Variants in BMPR1B observed in about 807,000 individuals in gnomAD.
The protein encoded by BMPR1B is bone morphogenetic protein receptor type 1B, also known as bone morphogenetic protein receptor type-1B.
In BMPR1B, 12 loss-of-function variants were observed where a neutral mutation model predicts 59.1. That is an observed-to-expected ratio of 0.20 (90% confidence interval 0.13 to 0.33). The LOEUF (loss-of-function observed/expected upper bound fraction) is 0.33, where lower values mean the gene tolerates loss of function less well. Among genes scored for constraint, BMPR1B ranks in the 10% least tolerant of loss-of-function variants. BMPR1B has a pLI of 1.00. For missense variants in BMPR1B, 550 were observed against 610.9 expected (o/e 0.90, Z 1.05); for synonymous variants, 237 against 207.3 (o/e 1.14, Z -1.23).
At chr4:94,792,131 G>A (rs774738442) in intron 1 of BMPR1B, among the ~76,000 whole-genome samples, 13 of 152,168 alleles carry the variant, frequency 8.5e-5, no homozygotes, top group African/African-American at 1.9e-4. Context: ...CCTTTCTGAC[G>A]ATGAAAACAT....
At chr4:94,935,076 A>G (rs1267936104) in intron 2 of BMPR1B, among the ~76,000 whole-genome samples, 2 of 152,134 alleles carry the variant, frequency 1.3e-5, no homozygotes, top group African/African-American at 4.8e-5. Context: ...ATTCCTAACT[A>G]TGGTATTCAT....
At chr4:94,905,452 G>A (rs574525913) in intron 2 of BMPR1B, among the ~76,000 whole-genome samples, 5 of 151,840 alleles carry the variant, frequency 3.3e-5, no homozygotes, top group Non-Finnish European at 7.4e-5. Flanking sequence ...CTTAATAACT[G>A]AATATTTTTT....
At chr4:94,790,661 G>T (rs1045222114) in intron 1 of BMPR1B, among the ~76,000 whole-genome samples, 1 of 152,168 alleles carries the variant, frequency 6.6e-6, no homozygotes, top group Non-Finnish European at 1.5e-5. Context: ...TTAATGCAAA[G>T]TTCTTGCTAT....
intron 1 of BMPR1B, among the ~76,000 whole-genome samples, chr4:94,839,922 T>A (rs892038056): frequency 4.6e-5 from 7 of 151,928 alleles, no homozygotes; most frequent in African/African-American, 1.7e-4. Context: ...CCATGTTTAG[T>A]GCTTCCTTCA....
At chr4:94,973,334 A>G (rs1418195544) in intron 2 of BMPR1B, among the ~76,000 whole-genome samples, 1 of 152,146 alleles carries the variant, frequency 6.6e-6, no homozygotes, top group Non-Finnish European at 1.5e-5. Context: ...GTGTCCAGGA[A>G]AAATGAAGTC....
At chr4:94,829,116 C>G (rs1004168505) in intron 1 of BMPR1B, among the ~76,000 whole-genome samples, 1 of 152,034 alleles carries the variant, frequency 6.6e-6, no homozygotes, top group African/African-American at 2.4e-5. Context: ...GATTAAATAT[C>G]TGACCTCACA....
intron 1 of BMPR1B, among the ~76,000 whole-genome samples, chr4:94,759,941 T>C (rs1037259799): frequency 1.1e-4 from 16 of 152,336 alleles, no homozygotes; most frequent in Middle Eastern, 3.4e-3. Flanking sequence ...AATGTACCTT[T>C]GTGTTTAGCA....
intron 2 of BMPR1B, among the ~76,000 whole-genome samples, chr4:94,936,790 C>T (rs1009570950): frequency 1.9e-4 from 29 of 152,118 alleles, no homozygotes; most frequent in African/African-American, 7.0e-4. Flanking sequence ...CTTCTCTTCT[C>T]ACTCCATTTG....
At chr4:94,979,083 A>G (rs146717243) in intron 2 of BMPR1B, among the ~76,000 whole-genome samples, 100 of 152,204 alleles carry the variant, frequency 6.6e-4, no homozygotes, top group African/African-American at 2.0e-3. Context: ...CTTACTCACT[A>G]TCATGAGAAC....
chr4:95,086,182 T>C (rs1449464631), intron 3 of BMPR1B, among the ~76,000 whole-genome samples: 1 of 152,212 alleles, frequency 6.6e-6, no homozygotes, highest in African/African-American at 2.4e-5. Context: ...TAATCTTGAT[T>C]GGCATCATTT....
intron 3 of BMPR1B, among the ~76,000 whole-genome samples, chr4:95,024,446 A>G (rs1724209879): frequency 1.3e-5 from 2 of 152,162 alleles, no homozygotes; most frequent in Admixed American, 1.3e-4. Context: ...GCCTTATTAT[A>G]TTGGGAGAGG....
At chr4:94,763,973 G>C (rs1252867561) in intron 1 of BMPR1B, among the ~76,000 whole-genome samples, 1 of 152,100 alleles carries the variant, frequency 6.6e-6, no homozygotes, top group African/African-American at 2.4e-5. Flanking sequence ...GCAGTGCTCA[G>C]ATGGGCTTGC....
intron 3 of BMPR1B, chr4:95,051,696 T>A (rs1260820867): frequency 1.2e-5 from 18 of 1,535,462 alleles, no homozygotes; most frequent in Non-Finnish European, 1.6e-5. Context: ...GCTCTGCTGC[T>A]GCAATGGGTT....
intron 3 of BMPR1B, among the ~76,000 whole-genome samples, chr4:95,044,426 A>G (rs1725886192): frequency 6.6e-6 from 1 of 152,222 alleles, no homozygotes; most frequent in Non-Finnish European, 1.5e-5. Flanking sequence ...CCATGAGTGC[A>G]TAATGTGTGA....
intron 2 of BMPR1B, among the ~76,000 whole-genome samples, chr4:94,969,408 G>A (rs1041469703): frequency 2.0e-5 from 3 of 152,184 alleles, no homozygotes; most frequent in African/African-American, 7.2e-5. Context: ...CAAGATGCTT[G>A]TTTAGAAGCC....
At chr4:94,787,660 C>CTT (rs988459881) in intron 1 of BMPR1B, among the ~76,000 whole-genome samples, 1 of 152,196 alleles carries the variant, frequency 6.6e-6, no homozygotes, top group Non-Finnish European at 1.5e-5. Context: ...TCTTCATTTG[C>CTT]TTTAAGAATG....
At chr4:95,091,662 A>C in intron 3 of BMPR1B, 1 of 983,984 alleles carries the variant, frequency 1.0e-6, no homozygotes, top group Non-Finnish European at 1.2e-6. Context: ...TCTCACAGAG[A>C]CTGTTTTTTT....
At chr4:95,079,472 C>T (rs1290646347) in intron 3 of BMPR1B, among the ~76,000 whole-genome samples, 1 of 132,290 alleles carries the variant, frequency 7.6e-6, no homozygotes, top group Non-Finnish European at 1.7e-5. Context: ...ATTAAGATAT[C>T]ACATAAGAAA....
At chr4:95,116,529 ATGATTGATT>A (rs1269194091) in intron 6 of BMPR1B, among the ~76,000 whole-genome samples, 1 of 150,458 alleles carries the variant, frequency 6.6e-6, no homozygotes, top group African/African-American at 2.4e-5. Flanking sequence ...GTGATTTTTC[ATGATTGATT>A]TTATTTCTTG....
Sources: allele counts gnomAD v4.1 joint callset (sites outside exome capture counted in the v4.1 genomes callset), GRCh38; gene constraint gnomAD v4.1.1; transcripts MANE v1.5; gene names NCBI Gene and HGNC (gene_info 2026-07-23, HGNC 2026-07-21).